SP140: variants seen among roughly 807,000 people sequenced by gnomAD.
The protein encoded by SP140 is nuclear body protein SP140.
A neutral mutation model predicts 125.0 loss-of-function variants in SP140; 81 were observed. That is an observed-to-expected ratio of 0.65 (90% CI 0.54 to 0.78). The LOEUF is 0.78. Among genes scored for constraint, SP140 ranks in the 30% least tolerant of loss-of-function variants. SP140 has a pLI of 0.00. For synonymous variants in SP140, 312 were observed against 354.0 expected (o/e 0.88, Z 1.33); for missense variants, 858 against 1,037.0 (o/e 0.83, Z 2.37).
chr2:230,282,957 T>C (rs1049203748), intron 15 of SP140, among the ~76,000 whole-genome samples: 2 of 152,206 alleles, frequency 1.3e-5, no homozygotes, highest in Admixed American at 6.5e-5. Context: ...GGTGGGCATA[T>C]GGGGGACTGC....
At chr2:230,255,912 G>A (rs1033359626) in intron 12 of SP140, among the ~76,000 whole-genome samples, 3 of 152,170 alleles carry the variant, frequency 2.0e-5, no homozygotes, top group Non-Finnish European at 4.4e-5. Context: ...TAAGATGGGG[G>A]CAGGCAAACT....
intron 1 of SP140, among the ~76,000 whole-genome samples, chr2:230,209,065 G>T (rs1336931957): frequency 1.3e-5 from 2 of 152,156 alleles, no homozygotes; most frequent in African/African-American, 2.4e-5. Context: ...ATATATTTTT[G>T]ATTCTTTTTC....
In SP140 at chr2:230,248,759, G is replaced by C. The variant is rs2049900492; in HGVS notation, c.893-126G>C. Reference sequence around the variant, plus strand: ...GAAGGAGAAAGAGGAGCTGCAACAAGGTGGAGAAAAGGCGGAACAAGACAG... The same window carrying C: ...GAAGGAGAAAGAGGAGCTGCAACAACGTGGAGAAAAGGCGGAACAAGACAG... On this transcript the variant is annotated intron_variant, in intron 8 of 26. Transcript: ENST00000392045. 8 of 699,272 alleles carry C rather than the reference G, an allele frequency of 1.1e-5. No homozygotes were observed. In the South Asian group the frequency reaches 1.3e-4, roughly 11 times the overall value. 43.3% of individuals were successfully genotyped at this position (699,272 alleles called of 1,614,324 possible). A position where few individuals can be genotyped will look rare whatever the true frequency, so the allele number is the denominator to read the frequency against.
intron 21 of SP140, among the ~76,000 whole-genome samples, chr2:230,295,726 A>G (rs2057641682): frequency 6.6e-6 from 1 of 152,184 alleles, no homozygotes. Context: ...ACATGATAGC[A>G]TCTCTGCTCA....
intron 1 of SP140, among the ~76,000 whole-genome samples, chr2:230,230,952 T>A (rs548550853): frequency 1.3e-5 from 2 of 152,384 alleles, no homozygotes; most frequent in Admixed American, 1.3e-4. Context: ...TTTTCCTTTT[T>A]TTTTCCTCTT....
At chr2:230,291,318 T>C (rs1430704670) in intron 19 of SP140, among the ~76,000 whole-genome samples, 3 of 152,122 alleles carry the variant, frequency 2.0e-5, no homozygotes, top group Non-Finnish European at 2.9e-5. Context: ...CCACTTAGAG[T>C]GTACAAATCA....
intron 6 of SP140, 24 bp downstream of exon 6, chr2:230,245,104 T>G (rs376185740): frequency 2.7e-6 from 4 of 1,502,826 alleles, no homozygotes; most frequent in Non-Finnish European, 1.9e-6. Flanking sequence ...AAATGACCAA[T>G]TATCTCATTA....
At chr2:230,217,112 G>A (rs985187723) in intron 3 of SP140, among the ~76,000 whole-genome samples, 1 of 152,086 alleles carries the variant, frequency 6.6e-6, no homozygotes, top group Non-Finnish European at 1.5e-5. Context: ...TGGGTGTGGT[G>A]GCGCACGCCT....
At chr2:230,208,524 G>A (rs1338214618) in intron 1 of SP140, among the ~76,000 whole-genome samples, 1 of 152,136 alleles carries the variant, frequency 6.6e-6, no homozygotes, top group Non-Finnish European at 1.5e-5. Context: ...ATGTAGTTAG[G>A]GTTTGTAGGA....
intron 18 of SP140, among the ~76,000 whole-genome samples, chr2:230,288,469 CTTT>C (rs2056698461): frequency 1.0e-5 from 1 of 97,800 alleles, no homozygotes; most frequent in South Asian, 4.4e-4. Flanking sequence ...TTCTTTCTTT[CTTT>C]CTTTCTTTCT....
At chr2:230,277,759 G>A (rs1012771155) in intron 15 of SP140, among the ~76,000 whole-genome samples, 2 of 152,130 alleles carry the variant, frequency 1.3e-5, no homozygotes, top group Admixed American at 1.3e-4. Context: ...TATATGATGT[G>A]AGATGGTAAT....
intron 17 of SP140, among the ~76,000 whole-genome samples, chr2:230,286,678 C>G (rs2056423423): frequency 6.6e-6 from 1 of 152,168 alleles, no homozygotes; most frequent in African/African-American, 2.4e-5. Flanking sequence ...GAGTGAAGGG[C>G]TGAACCTGGC....
At chr2:230,283,162 GC>G (rs1214055744) in intron 15 of SP140, among the ~76,000 whole-genome samples, 1 of 152,204 alleles carries the variant, frequency 6.6e-6, no homozygotes, top group Non-Finnish European at 1.5e-5. Context: ...AGAGGCGGGA[GC>G]GCTGGAGTAG....
chr2:230,272,456 G>T (rs1423787663), intron 15 of SP140, among the ~76,000 whole-genome samples: 1 of 152,104 alleles, frequency 6.6e-6, no homozygotes, highest in Non-Finnish European at 1.5e-5. Context: ...GGTTTTTCCT[G>T]TGCTATTCTC....
rs2046234322 is a variant in SP140, at chr2:230,225,785, G to C, written c.-60G>C. On this transcript the variant is annotated 5_prime_UTR_variant, in exon 1 of 27. Transcript: ENST00000392045. ...AGGGGCAGTTGGCAGCTTCACCTCA[G>C]AGCTGCAGGAAGGAACGGGGCAGTG... 1 of 1,427,912 alleles carries C rather than the reference G, an allele frequency of 7.0e-7. No homozygotes were observed. The highest frequency in any genetic ancestry group is 9.9e-7 in the Non-Finnish European group (1 of 1,010,192). The allele number at this position is 1,427,912 out of a possible 1,614,324, so 88.5% of individuals were successfully genotyped here.
At chr2:230,224,729 C>T (rs758682725), upstream of SP140, among the ~76,000 whole-genome samples, 4 of 152,142 alleles carry the variant, frequency 2.6e-5, no homozygotes, top group Admixed American at 6.5e-5. Flanking sequence ...AAGTAGGATT[C>T]AGGAGCACAT....
At chr2:230,202,551 A>G, upstream of SP140, 1 of 1,612,238 alleles carries the variant, frequency 6.2e-7, no homozygotes, top group Admixed American at 1.7e-5. Context: ...TGAGCCATTC[A>G]AATGGCAGAT....
chr2:230,254,660 A>C (rs573407167), intron 11 of SP140, among the ~76,000 whole-genome samples: 1 of 152,180 alleles, frequency 6.6e-6, no homozygotes, highest in African/African-American at 2.4e-5. Flanking sequence ...CATCAGACTC[A>C]TTTTTTCTGC....
chr2:230,212,676 AG>A, intron 1 of SP140: 1 of 1,540,212 alleles, frequency 6.5e-7, no homozygotes, highest in Non-Finnish European at 9.0e-7. Context: ...GGACAATAAA[AG>A]TCAAGATGCT....
Sources: gnomAD v4.1 joint callset for allele counts (sites outside exome capture counted in the v4.1 genomes callset) on GRCh38, gnomAD v4.1.1 for gene constraint, MANE v1.5 for transcripts, NCBI Gene and HGNC (gene_info 2026-07-23, HGNC 2026-07-21) for gene names.